VAC14: variants seen among roughly 807,000 people sequenced by gnomAD.
The protein encoded by VAC14 is VAC14 component of PIKFYVE complex.
VAC14 carries 47 observed loss-of-function variants against 85.3 expected under a neutral mutation model. The observed-to-expected ratio is 0.55, with a 90% CI of 0.44 to 0.70. The LOEUF (loss-of-function observed/expected upper bound fraction) is 0.70. VAC14 is among the 30% of genes least tolerant of loss of function. The pLI is 0.00. For synonymous variants in VAC14, 447 were observed against 430.5 expected (o/e 1.04, Z -0.47); for missense variants, 861 against 1,004.3 (o/e 0.86, Z 1.93).
At chr16:70,690,412 C>T in intron 18 of VAC14, 1 of 985,670 alleles carries the variant, frequency 1.0e-6, no homozygotes, top group Non-Finnish European at 1.2e-6. Flanking sequence ...AGCCAGCCCA[C>T]AGCACAGTGT....
chr16:70,713,253 G>C (rs2054075414), intron 14 of VAC14, among the ~76,000 whole-genome samples: 1 of 152,178 alleles, frequency 6.6e-6, no homozygotes, highest in Non-Finnish European at 1.5e-5. Context: ...CTTATCAATG[G>C]AGACGAAGCC....
intron 13 of VAC14, 64 bp from the exon 14 acceptor site, chr16:70,731,691 A>G: frequency 6.5e-7 from 1 of 1,546,420 alleles, no homozygotes; most frequent in Non-Finnish European, 8.8e-7. Flanking sequence ...GATGAGATCC[A>G]CACAGAATAT....
intron 14 of VAC14, among the ~76,000 whole-genome samples, chr16:70,703,071 G>A (rs909660638): frequency 2.0e-5 from 3 of 152,238 alleles, no homozygotes; most frequent in African/African-American, 7.2e-5. Context: ...AGTGCCTGCT[G>A]TGAGTGGGCA....
Position 70,698,742 on chromosome 16 carries a change from C to T in VAC14, c.1731G>A (p.Glu577=), listed in dbSNP as rs950796547. 4.3e-6 allele frequency: 7 copies of T among 1,614,078 alleles called. No individual in the cohort carries two copies. Among genetic ancestry groups the T allele is most frequent in the Non-Finnish European group, 5.1e-6 (6 of 1,180,034 alleles). Residue 577 remains glutamate (E), a synonymous_variant, in exon 15 of 19, where the codon GAG becomes GAA. Transcript: ENST00000261776. The part of the protein sequence containing the change: ...HSMADILLRE[E]DLKFASTMVH... ...CCATGGTCGAGGCGAACTTGAGGTC[C>T]TCCTCCCGCAGCAGGATGTCTGCCA...
chr16:70,729,607 G>A (rs1197391724), intron 14 of VAC14, among the ~76,000 whole-genome samples: 2 of 151,876 alleles, frequency 1.3e-5, no homozygotes, highest in African/African-American at 4.8e-5. Context: ...CTCCCTGCTT[G>A]GCCGCTTCCT....
At chr16:70,731,694 C>T in intron 13 of VAC14, 67 bp from the exon 14 acceptor site, 16 of 1,537,790 alleles carry the variant, frequency 1.0e-5, no homozygotes, top group Non-Finnish European at 1.4e-5. Flanking sequence ...GAGATCCACA[C>T]AGAATATAAA....
intron 12 of VAC14, among the ~76,000 whole-genome samples, chr16:70,756,626 T>C (rs1373679277): frequency 6.6e-6 from 1 of 152,136 alleles, no homozygotes; most frequent in East Asian, 1.9e-4. Context: ...CCCTCAGGAC[T>C]CAGCAGAGGC....
chr16:70,698,881 C>T, intron 14 of VAC14, 70 bp from the exon 15 acceptor site: 1 of 1,562,608 alleles, frequency 6.4e-7, no homozygotes, highest in Non-Finnish European at 8.7e-7. Context: ...GCCTGGGAGG[C>T]CTCCTCTTGG....
chr16:70,698,836 AG>A (rs2053765292), intron 14 of VAC14, 25 bp from the exon 15 acceptor site: 18 of 1,611,970 alleles, frequency 1.1e-5, no homozygotes, highest in Non-Finnish European at 1.5e-5. Flanking sequence ...GACTGGGGTC[AG>A]GGCGCAGGCC....
At chr16:70,763,233 G>C (rs1355986003) in intron 10 of VAC14, among the ~76,000 whole-genome samples, 4 of 152,174 alleles carry the variant, frequency 2.6e-5, no homozygotes, top group Admixed American at 2.6e-4. Flanking sequence ...GGTTTGAAGG[G>C]GGCTTCTCTC....
Position 70,717,456 on chromosome 16 carries a change from A to G in VAC14, c.1661+14039T>C, listed in dbSNP as rs559177036. 1.3e-3 allele frequency among the ~76,000 whole-genome samples: 198 copies of G among 152,336 alleles called. 3 individuals are homozygous for G. Among genetic ancestry groups the G allele is most frequent in the Admixed American group, 4.2e-3 (64 of 15,304 alleles). On this transcript the variant is annotated intron_variant, in intron 14 of 18. Transcript: ENST00000261776. ...ACCTTTATTTTTCTTTTTTTAAAAA[A>G]GTATAGAATGTATTTTCCGGATATA... is the stretch of plus-strand genomic sequence containing the variant.
chr16:70,772,914 C>T (rs1429320623), intron 9 of VAC14: 1 of 152,188 alleles, frequency 6.6e-6, no homozygotes, highest in Non-Finnish European at 1.5e-5. Context: ...GGATGAAGTA[C>T]TGATGCACGC....
intron 14 of VAC14, among the ~76,000 whole-genome samples, chr16:70,730,774 CG>C (rs1868629365): frequency 6.6e-6 from 1 of 151,594 alleles, no homozygotes; most frequent in African/African-American, 2.4e-5. Context: ...ATTTTGTATA[CG>C]GCATCTTTTT....
In VAC14 at chr16:70,786,352, A is replaced by G; in HGVS notation, c.118T>C (p.Phe40Leu). ...TGCACGGTATTGTTCTGGGCCACGA[A>G]CTCCCGGACCAGCCTGGAGAGAGAG... ...ALEIEKLVREFVAQNNTVQIK... is the reference protein window; with the variant it reads ...ALEIEKLVRELVAQNNTVQIK... Residue 40 changes from phenylalanine (F) to leucine (L), a missense_variant, in exon 2 of 19, where the codon TTC becomes CTC. Around this residue, in one of 3 missense-constraint regions of VAC14, gnomAD observed 629 missense variants for 703.1 expected, o/e 0.89. Transcript: ENST00000261776. 6.2e-7 allele frequency: 1 copy of G among 1,613,892 alleles called. No individual in the cohort carries two copies. Among genetic ancestry groups the G allele is most frequent in the Non-Finnish European group, 8.5e-7 (1 of 1,179,846 alleles).
At chr16:70,756,047 C>T (rs1408631967) in intron 12 of VAC14, 2 of 456,678 alleles carry the variant, frequency 4.4e-6, no homozygotes, top group African/African-American at 4.0e-5. Flanking sequence ...GCTGGCCAAC[C>T]CACCTGACCA....
intron 14 of VAC14, among the ~76,000 whole-genome samples, chr16:70,710,953 C>T (rs2054020277): frequency 6.6e-6 from 1 of 152,272 alleles, no homozygotes. Context: ...GAGTTCCGGC[C>T]AGGGGCTGCC....
chr16:70,688,590 G>A, intron 18 of VAC14: 2 of 985,648 alleles, frequency 2.0e-6, no homozygotes, highest in South Asian at 9.4e-5. Context: ...TTTGAGTGTT[G>A]GGGCCCCAAG....
intron 16 of VAC14, 72 bp downstream of exon 16, chr16:70,697,067 G>T: frequency 1.5e-6 from 2 of 1,316,634 alleles, no homozygotes; most frequent in Non-Finnish European, 2.2e-6. Flanking sequence ...CGCCTGTTGG[G>T]TGGAAAGGGG....
chr16:70,744,341 C>G (rs1597922230), intron 13 of VAC14, 82 bp downstream of exon 13: 1 of 1,567,500 alleles, frequency 6.4e-7, no homozygotes, highest in Non-Finnish European at 8.6e-7. Context: ...GAGCAACAAC[C>G]CAAAGGACCG....
Sources: allele counts gnomAD v4.1 joint callset (sites outside exome capture counted in the v4.1 genomes callset), GRCh38; gene constraint gnomAD v4.1.1; regional missense constraint gnomAD v4.1.1; transcripts MANE v1.5; gene names NCBI Gene and HGNC (gene_info 2026-07-23, HGNC 2026-07-21).